ADAMTS12: variants seen among roughly 807,000 people sequenced by gnomAD.
ADAMTS12 encodes A disintegrin and metalloproteinase with thrombospondin motifs 12.
ADAMTS12 carries 118 observed loss-of-function variants against 167.8 expected under a neutral mutation model. The observed-to-expected ratio is 0.70, with a 90% CI of 0.61 to 0.82. ADAMTS12 has a LOEUF of 0.82. ADAMTS12 is among the 40% of genes least tolerant of loss of function. The pLI is 0.00. For missense variants in ADAMTS12, 1,916 were observed against 1,998.8 expected, an observed-to-expected ratio of 0.96 and a Z score of 0.79; for synonymous variants, 704 against 716.9, an observed-to-expected ratio of 0.98 and a Z score of 0.29.
intron 7 of ADAMTS12, among the ~76,000 whole-genome samples, chr5:33,650,594 T>G (rs1740835701): frequency 6.6e-6 from 1 of 152,220 alleles, no homozygotes; most frequent in Non-Finnish European, 1.5e-5. Flanking sequence ...AGTACTCTTG[T>G]CCATGTGTCA....
At chr5:33,798,434 CTTTTTTT>C (rs3037113) in intron 2 of ADAMTS12, among the ~76,000 whole-genome samples, 795 of 69,342 alleles carry the variant, frequency 0.011, 9 homozygotes, top group African/African-American at 0.047. Context: ...TTCTTTGTAT[CTTTTTTT>C]TTTTTTTTTT....
At chr5:33,621,880 T>C (rs1460723595) in intron 14 of ADAMTS12, among the ~76,000 whole-genome samples, 1 of 152,190 alleles carries the variant, frequency 6.6e-6, no homozygotes, top group Non-Finnish European at 1.5e-5. Flanking sequence ...GTACCTGGTA[T>C]ATGTTTTGAG....
chr5:33,589,203 A>C (rs1747519853), intron 17 of ADAMTS12, among the ~76,000 whole-genome samples: 1 of 152,202 alleles, frequency 6.6e-6, no homozygotes, highest in Non-Finnish European at 1.5e-5. Flanking sequence ...CATGAAATGA[A>C]AGACCAATTC....
At chr5:33,651,212 T>C (rs1328935308) in intron 7 of ADAMTS12, among the ~76,000 whole-genome samples, 5 of 152,148 alleles carry the variant, frequency 3.3e-5, no homozygotes, top group Admixed American at 2.6e-4. Context: ...CTCTACAAGT[T>C]TGACTGTTCA....
intron 19 of ADAMTS12, among the ~76,000 whole-genome samples, chr5:33,565,396 C>T (rs915624357): frequency 6.6e-6 from 1 of 152,234 alleles, no homozygotes; most frequent in African/African-American, 2.4e-5. Flanking sequence ...AAGTGATCCA[C>T]CTGCCTCAGC....
chr5:33,723,332 C>T (rs556204107), intron 3 of ADAMTS12, among the ~76,000 whole-genome samples: 2 of 152,284 alleles, frequency 1.3e-5, no homozygotes, highest in African/African-American at 4.8e-5. Context: ...TTTTTGCTAA[C>T]ATTTTAATCC....
At chr5:33,528,476 G>A (rs74929509) in intron 23 of ADAMTS12, among the ~76,000 whole-genome samples, 1 of 152,176 alleles carries the variant, frequency 6.6e-6, no homozygotes, top group Non-Finnish European at 1.5e-5. Flanking sequence ...CGAGTGTCGG[G>A]GTGCTTTGCT....
intron 18 of ADAMTS12, among the ~76,000 whole-genome samples, chr5:33,578,249 G>C (rs1178794222): frequency 6.6e-6 from 1 of 152,184 alleles, no homozygotes; most frequent in South Asian, 2.1e-4. Flanking sequence ...TCAAAGGGCT[G>C]CGCAAACATT....
At chr5:33,850,440 CTGTCAGCCCCT>C (rs1483951216) in intron 2 of ADAMTS12, among the ~76,000 whole-genome samples, 1 of 152,172 alleles carries the variant, frequency 6.6e-6, no homozygotes, top group Non-Finnish European at 1.5e-5. Context: ...AAAACAGGTG[CTGTCAGCCCCT>C]TTTACAATCT....
chr5:33,582,491 T>C (rs1561144511), intron 18 of ADAMTS12, among the ~76,000 whole-genome samples: 1 of 152,184 alleles, frequency 6.6e-6, no homozygotes, highest in African/African-American at 2.4e-5. Context: ...GCTTCCCACT[T>C]AGCAATAGAC....
chr5:33,729,326 G>A (rs1041320755), intron 3 of ADAMTS12, among the ~76,000 whole-genome samples: 1 of 152,178 alleles, frequency 6.6e-6, no homozygotes, highest in African/African-American at 2.4e-5. Context: ...TATTTGATTG[G>A]TTACAGGTAT....
In ADAMTS12 at chr5:33,789,825, T is replaced by C. The variant is rs7733274; in HGVS notation, c.490-38277A>G. On this transcript the variant is annotated intron_variant, in intron 2 of 23. Coordinates refer to ENST00000504830, the MANE Select transcript of ADAMTS12 (RefSeq NM_030955.4). ...GTTCGTTCTTGGCATGGAAGCGCCA[T>C]GTGGTCTGCAGCCTCTTCTTTCTAA... is the stretch of plus-strand genomic sequence containing the variant. Among the ~76,000 whole-genome samples the C allele has an allele frequency of 6.8e-3, 1,036 of 152,320 alleles. 21 individuals are homozygous for C. The highest frequency in any genetic ancestry group is 0.024 in the African/African-American group (991 of 41,552).
intron 2 of ADAMTS12, among the ~76,000 whole-genome samples, chr5:33,774,717 TACA>T (rs1397779496): frequency 2.0e-5 from 3 of 152,216 alleles, no homozygotes; most frequent in Admixed American, 6.5e-5. Context: ...TATTGCTTTG[TACA>T]ACATTAACCC....
chr5:33,620,937 T>C (rs1490549342), intron 14 of ADAMTS12, among the ~76,000 whole-genome samples: 2 of 152,212 alleles, frequency 1.3e-5, no homozygotes, highest in Non-Finnish European at 2.9e-5. Context: ...TTAAGAATGA[T>C]GACTATATTT....
At chr5:33,580,716 A>G (rs7734367) in intron 18 of ADAMTS12, among the ~76,000 whole-genome samples, 6,109 of 152,270 alleles carry the variant, frequency 0.04, 386 homozygotes, top group African/African-American at 0.13. Context: ...CCAACCAACC[A>G]ACAAGCAAAA....
At chr5:33,763,350 G>A (rs1185166206) in intron 2 of ADAMTS12, among the ~76,000 whole-genome samples, 1 of 152,162 alleles carries the variant, frequency 6.6e-6, no homozygotes, top group Non-Finnish European at 1.5e-5. Flanking sequence ...AGGGGCAAGA[G>A]GCTGGAGTGA....
intron 3 of ADAMTS12, among the ~76,000 whole-genome samples, chr5:33,688,481 C>T (rs1038953591): frequency 6.6e-6 from 1 of 152,176 alleles, no homozygotes. Flanking sequence ...ATGCAATTTA[C>T]CGAGTACTTT....
chr5:33,621,148 C>T (rs1312480758), intron 14 of ADAMTS12, among the ~76,000 whole-genome samples: 1 of 151,984 alleles, frequency 6.6e-6, no homozygotes, highest in Non-Finnish European at 1.5e-5. Context: ...GCCTGTAATC[C>T]CAGCATTTTG....
intron 3 of ADAMTS12, among the ~76,000 whole-genome samples, chr5:33,713,503 T>C (rs1743482921): frequency 1.3e-5 from 2 of 152,154 alleles, no homozygotes; most frequent in African/African-American, 4.8e-5. Context: ...AACCACAAGA[T>C]ATCACAAACA....
Sources: allele counts gnomAD v4.1 joint callset (sites outside exome capture counted in the v4.1 genomes callset), GRCh38; gene constraint gnomAD v4.1.1; transcripts MANE v1.5; gene names NCBI Gene and HGNC (gene_info 2026-07-23, HGNC 2026-07-21).